The following GPC5 variants were observed in gnomAD, a reference collection of about 807,000 sequenced individuals.
GPC5 encodes the protein glypican 5.
GPC5 carries 47 observed loss-of-function variants against 53.9 expected under a neutral mutation model. The ratio of observed to expected loss-of-function variants is 0.87; its 90% CI spans 0.69 to 1.11. The LOEUF (loss-of-function observed/expected upper bound fraction) is 1.11, where lower values mean the gene tolerates loss of function less well. Among genes scored for constraint, GPC5 ranks in the 50% most tolerant of loss-of-function variants. GPC5 has a pLI of 0.00. For synonymous variants in GPC5, 286 were observed against 263.3 expected (o/e 1.09, Z -0.84); for missense variants, 748 against 713.1 (o/e 1.05, Z -0.56).
chr13:91,738,068 G>C (rs2036851967), intron 4 of GPC5, among the ~76,000 whole-genome samples: 1 of 151,282 alleles, frequency 6.6e-6, no homozygotes, highest in Non-Finnish European at 1.5e-5. Context: ...GAGAGGGTGA[G>C]TGGAGGAAAG....
chr13:92,240,185 T>C (rs888440853), intron 7 of GPC5: 17 of 152,054 alleles, frequency 1.1e-4, no homozygotes, highest in Admixed American at 9.8e-4. Context: ...ATTTCATTTA[T>C]TCCTGAAATA....
At chr13:91,707,822 C>T (rs530939561) in intron 3 of GPC5, among the ~76,000 whole-genome samples, 24 of 150,694 alleles carry the variant, frequency 1.6e-4, no homozygotes, top group African/African-American at 5.7e-4. Flanking sequence ...CCCAAGATAA[C>T]ATAATATATA....
intron 2 of GPC5, among the ~76,000 whole-genome samples, chr13:91,503,371 A>G (rs1028582585): frequency 6.6e-6 from 1 of 152,024 alleles, no homozygotes; most frequent in African/African-American, 2.4e-5. Context: ...CAAGAATACC[A>G]TTTATTTTCC....
At chr13:92,041,539 A>G (rs2040941724) in intron 6 of GPC5, among the ~76,000 whole-genome samples, 1 of 152,222 alleles carries the variant, frequency 6.6e-6, no homozygotes, top group Non-Finnish European at 1.5e-5. Flanking sequence ...AACCAGGCCT[A>G]AAAATAAAGT....
Position 92,539,452 on chromosome 13 carries a change from C to T in GPC5, c.1562-326830C>T, listed in dbSNP as rs1276919425. 2.0e-5 allele frequency among the ~76,000 whole-genome samples: 3 copies of T among 152,024 alleles called. No individual in the cohort carries two copies. The East Asian group carries it at 5.8e-4, about 29-fold the overall frequency. On this transcript the variant is annotated intron_variant, in intron 7 of 7. Transcript: ENST00000377067. ...TGAGCATTTTTTCATATGTTTGTTG[C>T]CGCATAAATGTCTTCTTTTGAAAAG... is the stretch of plus-strand genomic sequence containing the variant.
At chr13:91,409,420 A>C (rs1877562197) in intron 1 of GPC5, among the ~76,000 whole-genome samples, 1 of 152,232 alleles carries the variant, frequency 6.6e-6, no homozygotes, top group South Asian at 2.1e-4. Context: ...TATTGTTAAG[A>C]GTTTGCATTA....
chr13:92,005,446 C>G (rs1244930396), intron 6 of GPC5, among the ~76,000 whole-genome samples: 2 of 152,122 alleles, frequency 1.3e-5, no homozygotes, highest in African/African-American at 2.4e-5. Flanking sequence ...AGCTTCAGGT[C>G]CTCACACCAA....
intron 6 of GPC5, among the ~76,000 whole-genome samples, chr13:92,065,562 A>G (rs2041161100): frequency 6.6e-6 from 1 of 152,174 alleles, no homozygotes; most frequent in Admixed American, 6.5e-5. Context: ...CTATTTAGCT[A>G]AAACTTCATA....
In GPC5 at chr13:92,376,071, G is replaced by A. The variant is rs147592456; in HGVS notation, c.1561+231082G>A. On this transcript the variant is annotated intron_variant, in intron 7 of 7. Transcript: ENST00000377067. The stretch of plus-strand genomic sequence containing the variant: ...ATTTTAGTGTGTACTATGATGGGTA[G>A]TTTCATTGAGAAACTTTGATAATAC... Among the ~76,000 whole-genome samples, 262 of 152,294 alleles carry A rather than the reference G, an allele frequency of 1.7e-3. 2 individuals carry two copies. The highest frequency in any genetic ancestry group is 5.8e-3 in the African/African-American group (240 of 41,562).
At chr13:91,510,223 T>C (rs1374570334) in intron 2 of GPC5, among the ~76,000 whole-genome samples, 1 of 152,210 alleles carries the variant, frequency 6.6e-6, no homozygotes, top group Non-Finnish European at 1.5e-5. Flanking sequence ...ATTTGTATTG[T>C]GCAATCATTT....
At chr13:92,736,195 C>T (rs1888930553) in intron 7 of GPC5, among the ~76,000 whole-genome samples, 1 of 151,934 alleles carries the variant, frequency 6.6e-6, no homozygotes, top group Non-Finnish European at 1.5e-5. Context: ...CTAAAGAAGC[C>T]ACCATCAATG....
intron 5 of GPC5, among the ~76,000 whole-genome samples, chr13:91,783,279 A>C (rs1337441423): frequency 6.6e-6 from 1 of 152,056 alleles, no homozygotes; most frequent in African/African-American, 2.4e-5. Flanking sequence ...TAAATAAATA[A>C]ATACAATTTG....
intron 7 of GPC5, among the ~76,000 whole-genome samples, chr13:92,313,813 C>T (rs77443718): frequency 0.013 from 1,992 of 152,310 alleles, 51 homozygotes; most frequent in African/African-American, 0.045. Flanking sequence ...CCTGTTTAGA[C>T]ACCTTTCTTT....
chr13:92,786,537 G>C (rs1018647439), intron 7 of GPC5, among the ~76,000 whole-genome samples: 4 of 151,968 alleles, frequency 2.6e-5, no homozygotes, highest in African/African-American at 9.7e-5. Context: ...GGGATTTAAT[G>C]GTTAAAAATA....
At chr13:92,283,914 A>G (rs1417326382) in intron 7 of GPC5, among the ~76,000 whole-genome samples, 4 of 152,228 alleles carry the variant, frequency 2.6e-5, no homozygotes, top group Admixed American at 2.6e-4. Flanking sequence ...AAGGAGATAG[A>G]GACACAAAAA....
At chr13:92,843,965 G>C (rs1273487419) in intron 7 of GPC5, among the ~76,000 whole-genome samples, 1 of 151,190 alleles carries the variant, frequency 6.6e-6, no homozygotes, top group Admixed American at 6.6e-5. Flanking sequence ...CTGGCTGTTA[G>C]GCAGTAATGT....
At chr13:91,754,530 A>G (rs898714381) in intron 4 of GPC5, among the ~76,000 whole-genome samples, 2 of 152,106 alleles carry the variant, frequency 1.3e-5, no homozygotes, top group Non-Finnish European at 2.9e-5. Context: ...TCATCAATTT[A>G]AAAGTCTCAA....
At chr13:92,308,297 C>G (rs1443239535) in intron 7 of GPC5, among the ~76,000 whole-genome samples, 1 of 152,114 alleles carries the variant, frequency 6.6e-6, no homozygotes, top group Non-Finnish European at 1.5e-5. Flanking sequence ...TGCCGCCTGG[C>G]AGCCAAAATA....
chr13:92,720,667 T>G (rs1369009387), intron 7 of GPC5, among the ~76,000 whole-genome samples: 1 of 152,144 alleles, frequency 6.6e-6, no homozygotes, highest in African/African-American at 2.4e-5. Context: ...ACTGCTACTT[T>G]TCTTATAAAG....
Sources: gnomAD v4.1 joint callset for allele counts (sites outside exome capture counted in the v4.1 genomes callset) on GRCh38, gnomAD v4.1.1 for gene constraint, MANE v1.5 for transcripts, NCBI Gene and HGNC (gene_info 2026-07-23, HGNC 2026-07-21) for gene names.